The following ZNF592 variants were observed in gnomAD, a reference collection of about 807,000 sequenced individuals.
ZNF592 encodes the protein zinc finger protein 592, also known as spinocerebellar ataxia, autosomal recessive 5.
Under a neutral mutation model 80.3 loss-of-function variants are expected in ZNF592, and 11 were observed. The ratio of observed to expected loss-of-function variants is 0.14; its 90% confidence interval spans 0.09 to 0.23. The LOEUF is 0.23. Among genes scored for constraint, ZNF592 ranks in the 10% least tolerant of loss-of-function variants. The pLI is 1.00. For synonymous variants in ZNF592, 646 were observed against 640.3 expected, an observed-to-expected ratio of 1.01 and a Z score of -0.13; for missense variants, 1,420 against 1,633.9, an observed-to-expected ratio of 0.87 and a Z score of 2.26.
chr15:84,782,949 C>G lies in ZNF592; in HGVS notation c.274C>G (p.His92Asp). 6.2e-7 allele frequency: 1 copy of G among 1,614,214 alleles called. No homozygotes were observed. The highest frequency in any genetic ancestry group is 8.5e-7 in the Non-Finnish European group (1 of 1,180,038). ...EKDHITPSLLHNGFRGSDLPP... is the reference protein window; with the variant it reads ...EKDHITPSLLDNGFRGSDLPP... The stretch of plus-strand genomic sequence containing the variant: ...AGACCACATTACTCCCAGTCTCCTA[C>G]ACAATGGATTCCGGGGCTCAGATCT... Residue 92 changes from histidine (H) to aspartate (D), a missense_variant, in exon 4 of 11, where the codon CAC becomes GAC. Physicochemically the swap from His to Asp is moderately conservative, Grantham distance 81 (BLOSUM62 -1). This residue lies in a region of ZNF592 where 373 missense variants were observed against 355.5 expected (regional missense o/e 1.05). Coordinates refer to ENST00000560079, the MANE Select transcript of ZNF592 (RefSeq NM_014630.3).
chr15:84,779,979 A>G (rs1050759417), intron 3 of ZNF592, among the ~76,000 whole-genome samples: 1 of 144,514 alleles, frequency 6.9e-6, no homozygotes, highest in African/African-American at 2.6e-5. Flanking sequence ...TTTTTTTCCT[A>G]GACAGTTTTG....
intron 4 of ZNF592, among the ~76,000 whole-genome samples, chr15:84,790,307 G>A (rs1962710474): frequency 6.6e-6 from 1 of 152,098 alleles, no homozygotes; most frequent in African/African-American, 2.4e-5. Context: ...TAGATGGCAA[G>A]AACTGCCTCT....
chr15:84,784,877 A>C lies in ZNF592; in HGVS notation c.2202A>C (p.Thr734=), dbSNP rs1159244801. The change falls in exon 4 of 11, where the codon ACA becomes ACC. Residue 734 remains threonine, a synonymous_variant. Transcript: ENST00000560079. The surrounding 1 kb of genome is among the most constrained non-coding windows in gnomAD (Gnocchi z 5.8). ...MVLAAHFQRT[T]EETEGLTCQV... ...TGGCTGCACATTTCCAGAGGACAAC[A>C]GAGGAGACAGAGGGGCTGGTAAGCA... is the stretch of plus-strand genomic sequence containing the variant. 2 of 1,614,162 alleles carry C rather than the reference A, an allele frequency of 1.2e-6. No homozygotes were observed. Among genetic ancestry groups the C allele is most frequent in the Non-Finnish European group, 1.7e-6 (2 of 1,180,022 alleles).
chr15:84,775,893 A>G (rs1204089092), intron 2 of ZNF592, among the ~76,000 whole-genome samples: 3 of 152,230 alleles, frequency 2.0e-5, no homozygotes, highest in African/African-American at 7.2e-5. Flanking sequence ...AATAAACAAT[A>G]TGAATTTATA....
At chr15:84,791,269 G>C (rs1962740263) in intron 5 of ZNF592, among the ~76,000 whole-genome samples, 1 of 152,172 alleles carries the variant, frequency 6.6e-6, no homozygotes, top group East Asian at 1.9e-4. Flanking sequence ...AATGTTTGCA[G>C]GTTTTAACAA....
At chr15:84,753,588 T>G (rs2141957129) in intron 1 of ZNF592, 1 of 152,362 alleles carries the variant, frequency 6.6e-6, no homozygotes, top group African/African-American at 2.4e-5. Flanking sequence ...TTCTCCTGCC[T>G]CAGCCTCCTG....
intron 1 of ZNF592, among the ~76,000 whole-genome samples, chr15:84,762,865 C>G (rs1899391926): frequency 6.6e-6 from 1 of 152,116 alleles, no homozygotes. Context: ...TAATGGTTTT[C>G]TAGAATCTCT....
intron 2 of ZNF592, among the ~76,000 whole-genome samples, chr15:84,771,095 A>G (rs908458422): frequency 5.9e-5 from 9 of 152,130 alleles, no homozygotes; most frequent in African/African-American, 1.9e-4. Flanking sequence ...GTGACAACTC[A>G]CCTGCCATGG....
chr15:84,802,029 A>T lies in ZNF592; in HGVS notation c.3440A>T (p.Gln1147Leu). The T allele has an allele frequency of 2.5e-6, 4 of 1,613,972 alleles. No individual in the cohort carries two copies. Among genetic ancestry groups the T allele is most frequent in the Non-Finnish European group, 3.4e-6 (4 of 1,179,874 alleles). Reference protein sequence around the residue: ...LEFQSHIPQHQVDSSTAQCLL... With the variant: ...LEFQSHIPQHLVDSSTAQCLL... ...TTTCAGAGCCACATACCTCAGCACCAGGTGGACAGCTCCACAGCCCAATGT... is the reference window on the plus strand; with the variant it reads ...TTTCAGAGCCACATACCTCAGCACCTGGTGGACAGCTCCACAGCCCAATGT... Residue 1147 changes from glutamine (Q) to leucine (L), a missense_variant, in exon 11 of 11, where the codon CAG becomes CTG. Transcript: ENST00000560079.
rs780612196 is a variant in ZNF592 at position 84,784,941 on chromosome 15, C to T, written c.2220+46C>T. 4.4e-6 allele frequency: 7 copies of T among 1,608,620 alleles called. No homozygotes were observed. Among genetic ancestry groups the T allele is most frequent in the Admixed American group, 1.7e-5 (1 of 59,978 alleles). ...ACGGGTATCGGGCCCCTGGCTCACA[C>T]AGGTTCCATGACTGGGCATGGAGAG... On this transcript the variant is annotated intron_variant, in intron 4 of 10. Coordinates refer to ENST00000560079, the MANE Select transcript of ZNF592 (RefSeq NM_014630.3). This position sits in a 1 kb window ranked among gnomAD's most constrained non-coding sequence, Gnocchi z 5.8.
chr15:84,770,312 T>A (rs1241309836), intron 2 of ZNF592, among the ~76,000 whole-genome samples: 1 of 152,130 alleles, frequency 6.6e-6, no homozygotes, highest in African/African-American at 2.4e-5. Flanking sequence ...AACAATAATT[T>A]AGTGAATGTC....
chr15:84,801,414 C>T lies in ZNF592; in HGVS notation c.3274-449C>T, dbSNP rs143317353. Among the ~76,000 whole-genome samples, 5 of 152,184 alleles carry T rather than the reference C, an allele frequency of 3.3e-5. No homozygotes were observed. The East Asian group carries it at 9.6e-4, about 29-fold the overall frequency. The stretch of plus-strand genomic sequence containing the variant: ...ACTCATGAGGCTGAGGTGGGAGGAT[C>T]GCTTAAGCCCGGTAGGTCAAGGATG... On this transcript the variant is annotated intron_variant, in intron 10 of 10. Coordinates refer to ENST00000560079, the MANE Select transcript of ZNF592 (RefSeq NM_014630.3).
rs1301428957 is a variant in ZNF592 at position 84,783,482 on chromosome 15, C to T, written c.807C>T (p.Pro269=). 4 of 1,614,214 alleles carry T rather than the reference C, an allele frequency of 2.5e-6. No homozygotes were observed. The highest frequency in any genetic ancestry group is 1.7e-6 in the Non-Finnish European group (2 of 1,180,038). ...ARELGTCSSV[P]PRQRLKPAHS... The stretch of plus-strand genomic sequence containing the variant: ...AGCTTGGTACCTGCTCATCAGTCCC[C>T]CCTAGGCAGCGTCTAAAGCCAGCTC... Residue 269 remains proline (P), a synonymous_variant, in exon 4 of 11, where the codon CCC becomes CCT. Transcript: ENST00000560079. The surrounding 1 kb of genome is among the most constrained non-coding windows in gnomAD (Gnocchi z 5.0).
At chr15:84,762,632 G>A (rs1293970436) in intron 1 of ZNF592, among the ~76,000 whole-genome samples, 1 of 152,160 alleles carries the variant, frequency 6.6e-6, no homozygotes, top group Admixed American at 6.5e-5. Context: ...GGTTAAATAA[G>A]CCTTATCCCC....
intron 1 of ZNF592, among the ~76,000 whole-genome samples, chr15:84,753,856 T>C (rs1899084947): frequency 1.3e-5 from 2 of 152,214 alleles, no homozygotes; most frequent in Admixed American, 6.5e-5. Flanking sequence ...TCTGAATGTT[T>C]GATGTCCTTG....
At chr15:84,790,988 A>G (rs1962731074) in intron 5 of ZNF592, 105 bp downstream of exon 5, 1 of 1,322,594 alleles carries the variant, frequency 7.6e-7, no homozygotes, top group Non-Finnish European at 1.1e-6. Context: ...CTTGGGTTCC[A>G]GTCTACACAG....
chr15:84,756,479 G>A (rs1375081560), intron 1 of ZNF592, among the ~76,000 whole-genome samples: 1 of 152,202 alleles, frequency 6.6e-6, no homozygotes, highest in East Asian at 1.9e-4. Flanking sequence ...GCCATCTCAG[G>A]GACATTGTAG....
chr15:84,796,756 GA>G (rs901767784), intron 5 of ZNF592, among the ~76,000 whole-genome samples: 4 of 150,390 alleles, frequency 2.7e-5, no homozygotes, highest in African/African-American at 4.9e-5. Flanking sequence ...TTGGTAGGGA[GA>G]AAAAAAAATG....
chr15:84,750,602 G>C (rs1898987059), intron 1 of ZNF592, among the ~76,000 whole-genome samples: 1 of 152,138 alleles, frequency 6.6e-6, no homozygotes, highest in African/African-American at 2.4e-5. Flanking sequence ...GGTGTCTTTC[G>C]AGTAAAACTT....
Sources: gnomAD v4.1 joint callset for allele counts (sites outside exome capture counted in the v4.1 genomes callset) on GRCh38, gnomAD v4.1.1 for gene constraint, gnomAD v4.1.1 regional missense constraint, Gnocchi (gnomAD v3.1) non-coding constraint, MANE v1.5 for transcripts, NCBI Gene and HGNC (gene_info 2026-07-23, HGNC 2026-07-21) for gene names.